The following NDUFS4 variants were observed in gnomAD, a reference collection of about 807,000 sequenced individuals.
The protein encoded by NDUFS4 is NADH:ubiquinone oxidoreductase subunit S4.
Under a neutral mutation model 24.3 loss-of-function variants are expected in NDUFS4, and 28 were observed. The observed-to-expected ratio is 1.15, with a 90% confidence interval of 0.85 to 1.58. The LOEUF is 1.58. NDUFS4 is among the 40% of genes most tolerant of loss of function. The pLI is 0.00. For synonymous variants in NDUFS4, 93 were observed against 69.7 expected, an observed-to-expected ratio of 1.34 and a Z score of -1.67; for missense variants, 223 against 207.9, an observed-to-expected ratio of 1.07 and a Z score of -0.45.
chr5:53,615,086 A>C (rs1380937366), intron 2 of NDUFS4, among the ~76,000 whole-genome samples: 1 of 151,832 alleles, frequency 6.6e-6, no homozygotes, highest in African/African-American at 2.4e-5. Flanking sequence ...TAGATCCCTG[A>C]TGCTTTATTT....
chr5:53,579,482 GT>G (rs1385927170), intron 1 of NDUFS4, among the ~76,000 whole-genome samples: 2 of 152,160 alleles, frequency 1.3e-5, no homozygotes, highest in Non-Finnish European at 2.9e-5. Flanking sequence ...ACCTGAGAAT[GT>G]TACCTTATAT....
chr5:53,677,326 A>G (rs1740507485), intron 4 of NDUFS4, among the ~76,000 whole-genome samples: 1 of 152,170 alleles, frequency 6.6e-6, no homozygotes, highest in Non-Finnish European at 1.5e-5. Context: ...GGTGTAGAGT[A>G]TTACTAATCT....
intron 4 of NDUFS4, among the ~76,000 whole-genome samples, chr5:53,675,615 GAATT>G (rs911714863): frequency 2.0e-5 from 3 of 152,156 alleles, no homozygotes; most frequent in African/African-American, 7.2e-5. Flanking sequence ...TTTCAGCCAT[GAATT>G]AATAATACAA....
chr5:53,673,442 G>A (rs569854169), intron 4 of NDUFS4, among the ~76,000 whole-genome samples: 1 of 152,136 alleles, frequency 6.6e-6, no homozygotes, highest in East Asian at 1.9e-4. Context: ...ATCAAAAGTT[G>A]TCCGGAGATG....
chr5:53,638,049 T>G (rs1029603332), intron 2 of NDUFS4, among the ~76,000 whole-genome samples: 1 of 152,128 alleles, frequency 6.6e-6, no homozygotes, highest in Non-Finnish European at 1.5e-5. Context: ...AGTTCGGCAG[T>G]TTTTTGGTAT....
chr5:53,617,300 T>G (rs988849133), intron 2 of NDUFS4, among the ~76,000 whole-genome samples: 5 of 152,184 alleles, frequency 3.3e-5, no homozygotes, highest in African/African-American at 9.7e-5. Context: ...TCTTGAAATC[T>G]CTCTTCACAG....
chr5:53,650,573 C>G (rs765917583), intron 3 of NDUFS4, among the ~76,000 whole-genome samples: 45 of 152,194 alleles, frequency 3.0e-4, no homozygotes, highest in Non-Finnish European at 5.0e-4. Context: ...TTGTCTGTGT[C>G]TCTGTCTTCA....
At chr5:53,588,652 A>G (rs1164626386) in intron 1 of NDUFS4, among the ~76,000 whole-genome samples, 1 of 152,072 alleles carries the variant, frequency 6.6e-6, no homozygotes, top group East Asian at 1.9e-4. Context: ...TAATGATGTG[A>G]TCATCAGCCT....
chr5:53,605,794 C>G (rs1241320546), intron 2 of NDUFS4, among the ~76,000 whole-genome samples: 1 of 151,994 alleles, frequency 6.6e-6, no homozygotes, highest in Non-Finnish European at 1.5e-5. Flanking sequence ...GCGGGCAGAT[C>G]ACAAGGTCAG....
chr5:53,679,093 A>G (rs1026091266), intron 4 of NDUFS4, among the ~76,000 whole-genome samples: 8 of 152,154 alleles, frequency 5.3e-5, no homozygotes, highest in Non-Finnish European at 1.2e-4. Context: ...AGAAAATCCA[A>G]AGAGAGATGT....
At chr5:53,632,656 T>G (rs375049725) in intron 2 of NDUFS4, among the ~76,000 whole-genome samples, 2 of 152,164 alleles carry the variant, frequency 1.3e-5, no homozygotes, top group Non-Finnish European at 2.9e-5. Flanking sequence ...TGTGCCCCCA[T>G]GCATGAAGCT....
chr5:53,603,423 C>CT, intron 1 of NDUFS4, 29 bp from the exon 2 acceptor site: 1 of 1,574,356 alleles, frequency 6.4e-7, no homozygotes, highest in Non-Finnish European at 8.7e-7. Flanking sequence ...TGCCTGGATC[C>CT]TTTTTTAACT....
chr5:53,607,274 A>C (rs114190452), intron 2 of NDUFS4, among the ~76,000 whole-genome samples: 1,669 of 152,294 alleles, frequency 0.011, 21 homozygotes, highest in South Asian at 0.025. Context: ...TCCTTCCCAG[A>C]ACGGTCTTTA....
chr5:53,644,614 A>G (rs1253317870), intron 2 of NDUFS4, among the ~76,000 whole-genome samples: 2 of 152,104 alleles, frequency 1.3e-5, no homozygotes, highest in Non-Finnish European at 2.9e-5. Flanking sequence ...TTGAACCTGA[A>G]TATTAGAAAT....
At chr5:53,649,625 T>C (rs143154575) in intron 3 of NDUFS4, among the ~76,000 whole-genome samples, 396 of 152,324 alleles carry the variant, frequency 2.6e-3, no homozygotes, top group African/African-American at 8.9e-3. Flanking sequence ...CTTAGGTTGA[T>C]TCCTTGACTT....
chr5:53,645,667 G>C (rs112470278), intron 2 of NDUFS4, among the ~76,000 whole-genome samples: 17 of 152,178 alleles, frequency 1.1e-4, no homozygotes, highest in Middle Eastern at 3.4e-3. Context: ...TTCACCAAAG[G>C]GGGGAGATAC....
intron 1 of NDUFS4, among the ~76,000 whole-genome samples, chr5:53,592,192 TC>T (rs1304834440): frequency 6.6e-6 from 1 of 152,096 alleles, no homozygotes; most frequent in African/African-American, 2.4e-5. Flanking sequence ...CCTCAAGTGA[TC>T]CGCCCGCCTC....
chr5:53,615,886 C>T (rs1579876388), intron 2 of NDUFS4, among the ~76,000 whole-genome samples: 1 of 151,936 alleles, frequency 6.6e-6, no homozygotes, highest in Non-Finnish European at 1.5e-5. Flanking sequence ...ATTAGTGTAC[C>T]GATGTACATC....
intron 2 of NDUFS4, among the ~76,000 whole-genome samples, chr5:53,621,213 G>GT (rs2112478240): frequency 6.6e-6 from 1 of 152,184 alleles, no homozygotes; most frequent in African/African-American, 2.4e-5. Context: ...TCCTGGTGCT[G>GT]TTTCTTTTTC....
Sources: allele counts gnomAD v4.1 joint callset (sites outside exome capture counted in the v4.1 genomes callset), GRCh38; gene constraint gnomAD v4.1.1; transcripts MANE v1.5; gene names NCBI Gene and HGNC (gene_info 2026-07-23, HGNC 2026-07-21).